Variants in DISC1 observed in about 807,000 individuals in gnomAD.
DISC1 encodes the protein DISC1 scaffold protein, also known as disrupted in schizophrenia 1 protein.
A neutral mutation model predicts 84.5 loss-of-function variants in DISC1; 57 were observed. The observed-to-expected ratio is 0.67, with a 90% CI of 0.55 to 0.84. The LOEUF (loss-of-function observed/expected upper bound fraction) is 0.84. Among genes scored for constraint, DISC1 ranks in the 40% least tolerant of loss-of-function variants. DISC1 has a pLI of 0.00. For synonymous variants in DISC1, 411 were observed against 415.2 expected (o/e 0.99, Z 0.12); for missense variants, 1,000 against 1,057.8 (o/e 0.95, Z 0.76).
intron 4 of DISC1, among the ~76,000 whole-genome samples, chr1:231,753,112 G>A (rs553087612): frequency 3.9e-5 from 6 of 152,346 alleles, no homozygotes; most frequent in Admixed American, 3.9e-4. Context: ...TCCAGGGTCT[G>A]CAGGATGGTG....
At chr1:232,023,358 C>T (rs1181713408) in intron 11 of DISC1, among the ~76,000 whole-genome samples, 1 of 152,058 alleles carries the variant, frequency 6.6e-6, no homozygotes, top group Non-Finnish European at 1.5e-5. Flanking sequence ...CTTTTAATGC[C>T]ATCATCTTTG....
rs116534618 is a variant in DISC1 at position 231,802,303 on chromosome 1, A to T, written c.1792+2093A>T. Among the ~76,000 whole-genome samples, 206 of 152,228 alleles carry T rather than the reference A, an allele frequency of 1.4e-3. 2 individuals are homozygous for T. The highest frequency in any genetic ancestry group is 4.8e-3 in the African/African-American group (198 of 41,540). Reference sequence around the variant, plus strand: ...TTTTCGTGATAGTGAGTGAGTTATCATGAGATCTGATGGTTTAACAAGTGT... The same window carrying T: ...TTTTCGTGATAGTGAGTGAGTTATCTTGAGATCTGATGGTTTAACAAGTGT... On this transcript the variant is annotated intron_variant, in intron 8 of 12. Coordinates refer to ENST00000439617, the MANE Select transcript of DISC1 (RefSeq NM_018662.3).
chr1:231,679,980 C>G (rs894507792), intron 1 of DISC1, among the ~76,000 whole-genome samples: 36 of 152,224 alleles, frequency 2.4e-4, no homozygotes, highest in African/African-American at 8.7e-4. Flanking sequence ...GTAATCCCAG[C>G]ACTTTGGGAG....
At chr1:231,748,842 G>A (rs549685584) in intron 3 of DISC1, among the ~76,000 whole-genome samples, 3 of 152,190 alleles carry the variant, frequency 2.0e-5, no homozygotes, top group South Asian at 2.1e-4. Context: ...CAGAGGGTGT[G>A]GGATAGGGGT....
intron 1 of DISC1, among the ~76,000 whole-genome samples, chr1:231,682,985 G>A (rs74146707): frequency 1.3e-5 from 2 of 152,316 alleles, no homozygotes; most frequent in East Asian, 1.9e-4. Context: ...AAAGTGAGAC[G>A]CTGGTGCCAT....
chr1:231,873,342 G>A (rs1237309849), intron 9 of DISC1, among the ~76,000 whole-genome samples: 1 of 152,158 alleles, frequency 6.6e-6, no homozygotes, highest in African/African-American at 2.4e-5. Flanking sequence ...TTTATAGTAG[G>A]GCTGCAGATC....
intron 9 of DISC1, among the ~76,000 whole-genome samples, chr1:231,892,765 C>G (rs1218484740): frequency 6.6e-6 from 1 of 151,784 alleles, no homozygotes; most frequent in African/African-American, 2.4e-5. Context: ...TTGATTTGAG[C>G]CTTAATGGAT....
intron 3 of DISC1, among the ~76,000 whole-genome samples, chr1:231,731,692 A>G (rs2071536439): frequency 6.6e-6 from 1 of 152,238 alleles, no homozygotes; most frequent in African/African-American, 2.4e-5. Context: ...TTAACTGAGA[A>G]GTGCCACCAA....
chr1:231,987,717 T>G (rs1390357786), intron 10 of DISC1, among the ~76,000 whole-genome samples: 1 of 152,200 alleles, frequency 6.6e-6, no homozygotes, highest in Non-Finnish European at 1.5e-5. Context: ...TCTTTGGTAT[T>G]AGCAATGAGC....
chr1:232,033,260 C>T (rs1218574898), intron 12 of DISC1, among the ~76,000 whole-genome samples: 3 of 152,236 alleles, frequency 2.0e-5, no homozygotes, highest in East Asian at 1.9e-4. Flanking sequence ...TTCCATATCC[C>T]ACATCCAGTC....
chr1:231,845,939 T>C (rs1397859007), intron 9 of DISC1, among the ~76,000 whole-genome samples: 1 of 151,726 alleles, frequency 6.6e-6, no homozygotes, highest in East Asian at 1.9e-4. Context: ...GATGCAAGGA[T>C]GGCGGCAGGG....
intron 1 of DISC1, among the ~76,000 whole-genome samples, chr1:231,652,641 C>T (rs199855503): frequency 5.3e-5 from 8 of 152,318 alleles, no homozygotes; most frequent in Non-Finnish European, 8.8e-5. Context: ...GAACATCCTT[C>T]TAGAAGGTTC....
chr1:231,727,368 A>G (rs1435573360), intron 3 of DISC1, among the ~76,000 whole-genome samples: 3 of 152,176 alleles, frequency 2.0e-5, no homozygotes, highest in African/African-American at 2.4e-5. Context: ...GTTCAGAACC[A>G]CTGATGCCTG....
chr1:231,939,154 GTGTT>G (rs2091156364), intron 9 of DISC1, among the ~76,000 whole-genome samples: 1 of 152,184 alleles, frequency 6.6e-6, no homozygotes, highest in Non-Finnish European at 1.5e-5. Flanking sequence ...CAGCACATAT[GTGTT>G]TTATTGTATT....
At chr1:231,813,148 A>T (rs560942330) in intron 8 of DISC1, 1 of 152,062 alleles carries the variant, frequency 6.6e-6, no homozygotes, top group Non-Finnish European at 1.5e-5. Flanking sequence ...TTTGCAGCAA[A>T]ACTTCTGTAC....
intron 9 of DISC1, among the ~76,000 whole-genome samples, chr1:231,848,734 T>G (rs1210511277): frequency 6.6e-6 from 1 of 152,156 alleles, no homozygotes; most frequent in Non-Finnish European, 1.5e-5. Context: ...GATCTTCAGT[T>G]TTTGTGCATA....
intron 9 of DISC1, among the ~76,000 whole-genome samples, chr1:231,837,195 C>T (rs1210045464): frequency 1.3e-5 from 2 of 151,956 alleles, no homozygotes; most frequent in African/African-American, 2.4e-5. Flanking sequence ...TGAAGTTTAC[C>T]ATATGTTTCA....
chr1:231,878,766 T>G (rs185981397), intron 9 of DISC1, among the ~76,000 whole-genome samples: 155 of 152,212 alleles, frequency 1.0e-3, no homozygotes, highest in African/African-American at 3.5e-3. Flanking sequence ...CCCCCAAAAG[T>G]CACCCTTAGC....
At position 231,818,483 on chromosome 1, in the gene DISC1, G is replaced by C; in HGVS notation, c.1947G>C (p.Leu649=). The C allele has an allele frequency of 6.2e-7, 1 of 1,614,176 alleles. No individual in the cohort carries two copies. Among genetic ancestry groups the C allele is most frequent in the East Asian group, 2.2e-5 (1 of 44,878 alleles). Residue 649 remains leucine (L), a synonymous_variant, in exon 9 of 13, where the codon CTG becomes CTC. Coordinates refer to ENST00000439617, the MANE Select transcript of DISC1 (RefSeq NM_018662.3). ...GTGTTAAAGAAGATTACAACAGACT[G>C]AGAAGAGAAGTGGAGCACCAGGAGA... is the stretch of plus-strand genomic sequence containing the variant. ...LGSVKEDYNR[L]RREVEHQETA... is the part of the protein sequence containing the mutation.
Sources: gnomAD v4.1 joint callset for allele counts (sites outside exome capture counted in the v4.1 genomes callset) on GRCh38, gnomAD v4.1.1 for gene constraint, MANE v1.5 for transcripts, NCBI Gene and HGNC (gene_info 2026-07-23, HGNC 2026-07-21) for gene names.